Variants in ADGRB3 observed in about 807,000 individuals in gnomAD.
The protein encoded by ADGRB3 is adhesion G protein-coupled receptor B3.
A neutral mutation model predicts 193.4 loss-of-function variants in ADGRB3; 37 were observed. The observed-to-expected ratio is 0.19, with a 90% confidence interval of 0.15 to 0.25. The LOEUF is 0.25. Among genes scored for constraint, ADGRB3 ranks in the 10% least tolerant of loss-of-function variants. The pLI is 1.00. For synonymous variants in ADGRB3, 690 were observed against 644.2 expected, an observed-to-expected ratio of 1.07 and a Z score of -1.08; for missense variants, 1,637 against 1,852.9, an observed-to-expected ratio of 0.88 and a Z score of 2.14.
At chr6:69,153,377 T>C (rs903418552) in intron 17 of ADGRB3, among the ~76,000 whole-genome samples, 3 of 152,146 alleles carry the variant, frequency 2.0e-5, no homozygotes, top group African/African-American at 7.2e-5. Context: ...TTTAAAGATA[T>C]ACAAGCAAAT....
intron 17 of ADGRB3, among the ~76,000 whole-genome samples, chr6:69,181,393 C>T (rs951270621): frequency 6.6e-6 from 1 of 151,934 alleles, no homozygotes; most frequent in Non-Finnish European, 1.5e-5. Flanking sequence ...TCCAGTCAGA[C>T]AGGTTGAATT....
chr6:68,859,689 G>T (rs759307456), intron 3 of ADGRB3, among the ~76,000 whole-genome samples: 1 of 152,102 alleles, frequency 6.6e-6, no homozygotes, highest in Non-Finnish European at 1.5e-5. Flanking sequence ...GCATGGGAAA[G>T]ACCCACCCCT....
intron 17 of ADGRB3, among the ~76,000 whole-genome samples, chr6:69,192,585 A>G (rs973527703): frequency 6.6e-6 from 1 of 152,160 alleles, no homozygotes; most frequent in Non-Finnish European, 1.5e-5. Flanking sequence ...TTTCTTATCT[A>G]TAGTAATATA....
intron 20 of ADGRB3, among the ~76,000 whole-genome samples, chr6:69,264,432 A>G (rs1270195457): frequency 6.6e-6 from 1 of 151,706 alleles, no homozygotes; most frequent in Non-Finnish European, 1.5e-5. Flanking sequence ...CTTCTTAGCT[A>G]TATCTTTTAT....
intron 3 of ADGRB3, among the ~76,000 whole-genome samples, chr6:68,850,276 C>T (rs1004400482): frequency 1.3e-5 from 2 of 151,674 alleles, no homozygotes; most frequent in African/African-American, 4.8e-5. Flanking sequence ...TACTTTTTTA[C>T]TCAAGAAGGG....
intron 17 of ADGRB3, among the ~76,000 whole-genome samples, chr6:69,222,095 C>T (rs1765909722): frequency 6.6e-6 from 1 of 152,198 alleles, no homozygotes; most frequent in Admixed American, 6.6e-5. Flanking sequence ...CAAATCTGGG[C>T]TCAGGTATTC....
At chr6:69,257,693 A>G (rs889101391) in intron 20 of ADGRB3, among the ~76,000 whole-genome samples, 1 of 152,202 alleles carries the variant, frequency 6.6e-6, no homozygotes, top group Non-Finnish European at 1.5e-5. Flanking sequence ...TTGTCTTCTG[A>G]TCATCTTCAA....
At chr6:68,802,121 C>A (rs1767323095) in intron 3 of ADGRB3, among the ~76,000 whole-genome samples, 1 of 151,870 alleles carries the variant, frequency 6.6e-6, no homozygotes, top group Non-Finnish European at 1.5e-5. Context: ...CAGACATAAA[C>A]CCAAGACTCT....
rs116619333 is a variant in ADGRB3, at chr6:68,696,866, A to T, written c.757+57434A>T. On this transcript the variant is annotated intron_variant, in intron 3 of 31. Coordinates refer to ENST00000370598, the MANE Select transcript of ADGRB3 (RefSeq NM_001704.3). ...TCTTTAAAGAAAATCTGTAAACTCCAGACTACTTTGATTAATTTAAAAACC... is the reference window on the plus strand; with the variant it reads ...TCTTTAAAGAAAATCTGTAAACTCCTGACTACTTTGATTAATTTAAAAACC... 2.8e-3 allele frequency among the ~76,000 whole-genome samples: 424 copies of T among 152,178 alleles called. 4 individuals carry two copies. Among genetic ancestry groups the T allele is most frequent in the African/African-American group, 1.0e-2 (415 of 41,550 alleles).
At chr6:69,219,460 CGTATATATAT>C (rs1228612093) in intron 17 of ADGRB3, among the ~76,000 whole-genome samples, 1 of 54,832 alleles carries the variant, frequency 1.8e-5, no homozygotes, top group Admixed American at 2.1e-4. Flanking sequence ...TACACACACA[CGTATATATAT>C]ATATATATAT....
At chr6:69,222,905 T>G (rs6934160) in intron 17 of ADGRB3, among the ~76,000 whole-genome samples, 21,538 of 152,170 alleles carry the variant, frequency 0.14, 1,587 homozygotes, top group Middle Eastern at 0.16. Flanking sequence ...ATATATATGA[T>G]TATGAACCAC....
intron 20 of ADGRB3, among the ~76,000 whole-genome samples, chr6:69,279,077 A>G (rs1053435471): frequency 0.32 from 14,035 of 44,148 alleles, 1,379 homozygotes; most frequent in African/African-American, 0.41. Context: ...ATATGTATAT[A>G]TATATATATA....
At chr6:69,132,079 A>G (rs1163989010) in intron 17 of ADGRB3, among the ~76,000 whole-genome samples, 2 of 152,196 alleles carry the variant, frequency 1.3e-5, no homozygotes, top group Admixed American at 6.5e-5. Context: ...CAGTGCTGCA[A>G]TAAACATACG....
intron 11 of ADGRB3, among the ~76,000 whole-genome samples, chr6:69,007,155 G>C (rs867139625): frequency 6.6e-6 from 1 of 152,112 alleles, no homozygotes; most frequent in Admixed American, 6.6e-5. Flanking sequence ...GGCTAAGAAC[G>C]AAAGGCTGAC....
chr6:68,861,434 C>T (rs1261315074), intron 3 of ADGRB3, among the ~76,000 whole-genome samples: 1 of 152,052 alleles, frequency 6.6e-6, no homozygotes, highest in Admixed American at 6.5e-5. Context: ...TGGTGGCGGG[C>T]ACCTGTAGTC....
intron 12 of ADGRB3, among the ~76,000 whole-genome samples, chr6:69,015,028 C>T (rs1461250900): frequency 2.6e-5 from 4 of 151,676 alleles, no homozygotes; most frequent in Admixed American, 2.0e-4. Flanking sequence ...AAAAAAAAAC[C>T]CTTATTTTAA....
intron 3 of ADGRB3, among the ~76,000 whole-genome samples, chr6:68,850,131 A>C (rs1467880213): frequency 6.6e-6 from 1 of 151,894 alleles, no homozygotes; most frequent in Non-Finnish European, 1.5e-5. Flanking sequence ...CAGGTCCCAT[A>C]GTTTTTTTAT....
chr6:68,842,065 T>C (rs910273327), intron 3 of ADGRB3, among the ~76,000 whole-genome samples: 2 of 152,028 alleles, frequency 1.3e-5, no homozygotes, highest in Non-Finnish European at 2.9e-5. Flanking sequence ...AGGAAGTGGA[T>C]ACCCTATTTA....
chr6:68,888,566 C>CACAT (rs777369384), intron 3 of ADGRB3, among the ~76,000 whole-genome samples: 2,001 of 151,616 alleles, frequency 0.013, 36 homozygotes, highest in African/African-American at 0.045. Flanking sequence ...CACACACACA[C>CACAT]ACACACACAT....
Sources: allele counts gnomAD v4.1 joint callset (sites outside exome capture counted in the v4.1 genomes callset), GRCh38; gene constraint gnomAD v4.1.1; transcripts MANE v1.5; gene names NCBI Gene and HGNC (gene_info 2026-07-23, HGNC 2026-07-21).